Variants in DYNC2I1 observed in about 807,000 individuals in gnomAD.
The protein encoded by DYNC2I1 is cytoplasmic dynein 2 intermediate chain 1.
Under a neutral mutation model 133.4 loss-of-function variants are expected in DYNC2I1, and 89 were observed. That is an observed-to-expected ratio of 0.67 (90% confidence interval 0.56 to 0.80). The LOEUF is 0.80. Among genes scored for constraint, DYNC2I1 ranks in the 30% least tolerant of loss-of-function variants. The pLI, the probability that DYNC2I1 is intolerant of heterozygous loss-of-function variation, is 0.00. For synonymous variants in DYNC2I1, 504 were observed against 484.3 expected (o/e 1.04, Z -0.54); for missense variants, 1,291 against 1,314.5 (o/e 0.98, Z 0.28).
intron 15 of DYNC2I1, 150 bp downstream of exon 15, chr7:158,919,019 T>A: frequency 2.0e-6 from 2 of 986,382 alleles, no homozygotes; most frequent in Non-Finnish European, 2.8e-6. Context: ...AATTCAAAAG[T>A]GAGTGGTTTT....
chr7:158,869,485 T>C, intron 1 of DYNC2I1: 1 of 473,810 alleles, frequency 2.1e-6, no homozygotes, highest in South Asian at 1.5e-5. Context: ...GCACAGCATT[T>C]GGGACGTGAG....
upstream of DYNC2I1, among the ~76,000 whole-genome samples, chr7:158,852,009 G>A (rs192562262): frequency 8.4e-3 from 1,279 of 152,258 alleles, 4 homozygotes; most frequent in Non-Finnish European, 0.013. Flanking sequence ...ATTGGCACTC[G>A]GGCATTCCAC....
At chr7:158,882,460 G>GT (rs1044270660) in intron 5 of DYNC2I1, among the ~76,000 whole-genome samples, 1 of 151,782 alleles carries the variant, frequency 6.6e-6, no homozygotes, top group African/African-American at 2.4e-5. Flanking sequence ...GCACACAGCT[G>GT]TAGTCCCAGC....
chr7:158,958,297 G>T (rs1852251790), downstream of DYNC2I1, among the ~76,000 whole-genome samples: 1 of 152,160 alleles, frequency 6.6e-6, no homozygotes, highest in East Asian at 1.9e-4. Flanking sequence ...CCTGTGCCGC[G>T]TGGGAGGCTC....
chr7:158,952,495 C>T lies in DYNC2I1; in HGVS notation c.*57-4088C>T, dbSNP rs530303812. On this transcript the variant is annotated intron_variant and NMD_transcript_variant, in intron 4 of 4. Coordinates refer to the DYNC2I1 transcript ENST00000454771. ...TCTCCAATGCCAGTTGGATTTTTTG[C>T]TCTTTAAGGAGGTGGTTTTGGTGGG... Among the ~76,000 whole-genome samples the T allele has an allele frequency of 6.6e-5, 10 of 152,236 alleles. No homozygotes were observed. The South Asian group carries it at 2.1e-3, about 32-fold the overall frequency.
At chr7:158,894,289 C>T (rs151167863) in intron 8 of DYNC2I1, among the ~76,000 whole-genome samples, 2 of 152,250 alleles carry the variant, frequency 1.3e-5, no homozygotes, top group East Asian at 3.9e-4. Context: ...TGTCCTACTG[C>T]ATATCATACT....
chr7:158,876,681 G>C lies in DYNC2I1; in HGVS notation c.563G>C (p.Arg188Pro), dbSNP rs376591105. Residue 188 changes from arginine to proline, a missense_variant, in exon 4 of 25, where the codon CGA becomes CCA. Coordinates refer to ENST00000407559, the MANE Select transcript of DYNC2I1 (RefSeq NM_018051.5). ...GATGAAGATAGAGAAAGAAGATACC[G>C]AGAAAGAAAGGTATACGAAGCAAGG... Reference protein sequence around the residue: ...RGDEDRERRYRERKLQYGDSK... With the variant: ...RGDEDRERRYPERKLQYGDSK... 1 of 1,569,632 alleles carries C rather than the reference G, an allele frequency of 6.4e-7. No homozygotes were observed. The highest frequency in any genetic ancestry group is 2.3e-5 in the East Asian group (1 of 43,752).
At position 158,875,566 on chromosome 7, in the gene DYNC2I1, G is replaced by A. The variant is rs757113331; in HGVS notation, c.491-1043G>A. Among the ~76,000 whole-genome samples, 8 of 152,262 alleles carry A rather than the reference G, an allele frequency of 5.3e-5. No homozygotes were observed. In the East Asian group the frequency reaches 1.2e-3, roughly 22 times the overall value. ...TGTTGGATGATGCTTTGGTGTCATC[G>A]GTACCTGCCTGGCTCTGTTTGCCCC... On this transcript the variant is annotated intron_variant, in intron 3 of 24. Coordinates refer to ENST00000407559, the MANE Select transcript of DYNC2I1 (RefSeq NM_018051.5).
chr7:158,926,346 A>G (rs1180557207), intron 18 of DYNC2I1, 46 bp downstream of exon 18: 1 of 1,602,230 alleles, frequency 6.2e-7, no homozygotes, highest in Non-Finnish European at 8.5e-7. Context: ...AATGGTTGTG[A>G]AATATGGTTT....
At chr7:158,856,136 C>CG (rs1376477988), upstream of DYNC2I1, among the ~76,000 whole-genome samples, 1 of 151,074 alleles carries the variant, frequency 6.6e-6, no homozygotes, top group Non-Finnish European at 1.5e-5. Context: ...TTAGTAGAGA[C>CG]GGGGTTTCAC....
intron 1 of DYNC2I1, among the ~76,000 whole-genome samples, chr7:158,868,286 G>T (rs842694): frequency 0.22 from 33,284 of 152,044 alleles, 3,796 homozygotes; most frequent in Middle Eastern, 0.28. Flanking sequence ...TCCGGATGCC[G>T]CCTTTCCCGG....
intron 7 of DYNC2I1, 77 bp downstream of exon 7, chr7:158,887,152 C>G: frequency 1.3e-6 from 2 of 1,484,366 alleles, no homozygotes; most frequent in Non-Finnish European, 1.9e-6. Context: ...TGGGCTTCCC[C>G]TTGAAACCAG....
At chr7:158,939,008 A>G (rs1851060790) in intron 23 of DYNC2I1, among the ~76,000 whole-genome samples, 1 of 152,236 alleles carries the variant, frequency 6.6e-6, no homozygotes, top group Non-Finnish European at 1.5e-5. Context: ...TTAAAAATAT[A>G]TAAATTGAGA....
At chr7:158,888,503 A>T (rs1384355835) in intron 7 of DYNC2I1, among the ~76,000 whole-genome samples, 3 of 151,160 alleles carry the variant, frequency 2.0e-5, no homozygotes, top group Non-Finnish European at 4.4e-5. Flanking sequence ...ATGGAGTCTC[A>T]CTCTGTTGCC....
At chr7:158,873,491 TATC>T (rs781521949) in intron 3 of DYNC2I1, among the ~76,000 whole-genome samples, 11 of 152,206 alleles carry the variant, frequency 7.2e-5, no homozygotes, top group Non-Finnish European at 1.5e-4. Flanking sequence ...CTAAGAATGT[TATC>T]ATGTGTATTT....
chr7:158,864,731 C>T (rs1842248549), intron 1 of DYNC2I1, among the ~76,000 whole-genome samples: 1 of 152,028 alleles, frequency 6.6e-6, no homozygotes, highest in Non-Finnish European at 1.5e-5. Flanking sequence ...GTCTTGAACT[C>T]CTGGGCTCAA....
intron 3 of DYNC2I1, among the ~76,000 whole-genome samples, chr7:158,872,127 G>A (rs77131086): frequency 1.3e-5 from 2 of 151,440 alleles, no homozygotes; most frequent in East Asian, 3.9e-4. Context: ...ACCAGCTTGG[G>A]GAACACAGGG....
intron 24 of DYNC2I1, among the ~76,000 whole-genome samples, chr7:158,943,269 A>G (rs1293102102): frequency 6.6e-6 from 1 of 152,252 alleles, no homozygotes; most frequent in Non-Finnish European, 1.5e-5. Context: ...CCTGCAGTTT[A>G]TTATTCCAGA....
In DYNC2I1 at chr7:158,890,005, C is replaced by CAAA. The variant is rs35423707; in HGVS notation, c.991-1238_991-1236dup. ...TGGGCCACGGAGTGAGACTCCTTCT[C>CAAA]AAAAAAAAAAAAAAAAAAAAAAAAT... On this transcript the variant is annotated intron_variant, in intron 7 of 24. Transcript: ENST00000407559. Among the ~76,000 whole-genome samples the CAAA allele has an allele frequency of 1.4e-3, 95 of 67,896 alleles. 2 individuals carry two copies. The highest frequency in any genetic ancestry group is 3.4e-3 in the African/African-American group (64 of 18,720). 44.5% of individuals were successfully genotyped at this position (67,896 alleles called of 152,430 possible).
Sources: allele counts gnomAD v4.1 joint callset (sites outside exome capture counted in the v4.1 genomes callset), GRCh38; gene constraint gnomAD v4.1.1; transcripts MANE v1.5; gene names NCBI Gene and HGNC (gene_info 2026-07-23, HGNC 2026-07-21).